Variants in CCDC198 observed in about 807,000 individuals in gnomAD.
CCDC198 encodes coiled-coil domain containing 198, also known as factor associated with metabolism and energy.
In CCDC198, 18 loss-of-function variants were observed where a neutral mutation model predicts 35.6. The ratio of observed to expected loss-of-function variants is 0.51; its 90% CI spans 0.35 to 0.75. The LOEUF is 0.75. CCDC198 is among the 30% of genes least tolerant of loss of function. CCDC198 has a pLI of 0.01. For synonymous variants in CCDC198, 119 were observed against 113.4 expected (o/e 1.05, Z -0.31); for missense variants, 365 against 343.7 (o/e 1.06, Z -0.49).
At chr14:57,474,769 G>C (rs757840635) in intron 5 of CCDC198, among the ~76,000 whole-genome samples, 2 of 152,100 alleles carry the variant, frequency 1.3e-5, no homozygotes, top group Non-Finnish European at 2.9e-5. Context: ...GCAGAGTAAA[G>C]GAAAGTGTAT....
At chr14:57,492,375 GTC>G (rs1166967875) in intron 1 of CCDC198, among the ~76,000 whole-genome samples, 1 of 151,884 alleles carries the variant, frequency 6.6e-6, no homozygotes, top group African/African-American at 2.4e-5. Flanking sequence ...TTGAGACAGA[GTC>G]TCTCTCTGTC....
rs1299450584 is a variant in CCDC198, at chr14:57,470,280, T to G, written c.*1075A>C. 1 of 152,210 alleles carries G rather than the reference T, an allele frequency of 6.6e-6. No individual in the cohort carries two copies. Among genetic ancestry groups the G allele is most frequent in the Non-Finnish European group, 1.5e-5 (1 of 68,032 alleles). The allele number at this position is 152,210 out of a possible 1,614,324, so 9.4% of individuals were successfully genotyped here. ...ATGCAGCATTACTGTGAATTTCCTTTAGAAACTCACTTTTATTTGTCTCCA... is the reference window on the plus strand; with the variant it reads ...ATGCAGCATTACTGTGAATTTCCTTGAGAAACTCACTTTTATTTGTCTCCA... On this transcript the variant is annotated 3_prime_UTR_variant, in exon 6 of 6. Transcript: ENST00000216445.
At position 57,480,674 on chromosome 14, in the gene CCDC198, T is replaced by A. The variant is rs1465779937; in HGVS notation, c.576A>T (p.Lys192Asn). Reference protein sequence around the residue: ...KQSPRDHKAKKTLQSTPRNDD... With the variant: ...KQSPRDHKAKNTLQSTPRNDD... The stretch of plus-strand genomic sequence containing the variant: ...CATTCCTTGGGGTGCTTTGAAGGGT[T>A]TTCTTGGCTTTATGGTCCCTTGGAC... Residue 192 changes from lysine (K) to asparagine (N), a missense_variant, in exon 5 of 6, where the codon AAA becomes AAT. Physicochemically the swap from Lys to Asn is moderately conservative, Grantham distance 94. Coordinates refer to ENST00000216445, the MANE Select transcript of CCDC198 (RefSeq NM_018168.4). 6 of 1,614,200 alleles carry A rather than the reference T, an allele frequency of 3.7e-6. No homozygotes were observed. Among genetic ancestry groups the A allele is most frequent in the Non-Finnish European group, 4.2e-6 (5 of 1,180,014 alleles).
chr14:57,486,469 G>C (rs1174258871), intron 2 of CCDC198, among the ~76,000 whole-genome samples: 2 of 150,440 alleles, frequency 1.3e-5, no homozygotes, highest in Non-Finnish European at 2.9e-5. Context: ...GACTTTTCCG[G>C]GATTAAAAAA....
intron 5 of CCDC198, among the ~76,000 whole-genome samples, chr14:57,479,319 C>G (rs1028925549): frequency 6.6e-6 from 1 of 152,106 alleles, no homozygotes; most frequent in Non-Finnish European, 1.5e-5. Flanking sequence ...GAAATCCTGG[C>G]CTCAGGTTGT....
intron 2 of CCDC198, among the ~76,000 whole-genome samples, chr14:57,483,662 A>G (rs1312930471): frequency 6.6e-6 from 1 of 152,118 alleles, no homozygotes. Flanking sequence ...CATTTTAGAG[A>G]TGTCCTTTTC....
chr14:57,473,594 C>G (rs1380859814), intron 5 of CCDC198, among the ~76,000 whole-genome samples: 4 of 152,104 alleles, frequency 2.6e-5, no homozygotes, highest in Non-Finnish European at 5.9e-5. Flanking sequence ...TGATCGTGAC[C>G]CCACTATCCT....
At chr14:57,484,984 T>C (rs545053278) in intron 2 of CCDC198, among the ~76,000 whole-genome samples, 2 of 152,220 alleles carry the variant, frequency 1.3e-5, no homozygotes, top group South Asian at 4.2e-4. Flanking sequence ...CCAAACAAGA[T>C]TCATTATGGT....
At chr14:57,475,747 G>T (rs1566573694) in intron 5 of CCDC198, 4 of 366,028 alleles carry the variant, frequency 1.1e-5, no homozygotes, top group Admixed American at 3.5e-5. Context: ...TCCTTCTTCA[G>T]TTTTGTCTAT....
intron 3 of CCDC198, 95 bp from the exon 4 acceptor site, chr14:57,481,755 A>C: frequency 1.3e-6 from 1 of 766,958 alleles, no homozygotes; most frequent in South Asian, 1.6e-5. Context: ...GTCAGATCTT[A>C]ATCAGTCATA....
In CCDC198 at chr14:57,478,038, A is replaced by G. The variant is rs118011665; in HGVS notation, c.655+2557T>C. On this transcript the variant is annotated intron_variant, in intron 5 of 5. Transcript: ENST00000216445. ...TCTGCTCATAACTGAGCTTTTGTGC[A>G]CTACTGATGCAGCTACACCTCCCTG... Among the ~76,000 whole-genome samples the G allele has an allele frequency of 1.2e-4, 19 of 152,186 alleles. No individual in the cohort carries two copies. In the East Asian group the frequency reaches 3.3e-3, roughly 26 times the overall value.
At chr14:57,487,832 A>G (rs1265939540) in intron 2 of CCDC198, among the ~76,000 whole-genome samples, 1 of 152,184 alleles carries the variant, frequency 6.6e-6, no homozygotes, top group Non-Finnish European at 1.5e-5. Flanking sequence ...TTCTCTCAAA[A>G]ACTCATTTGT....
chr14:57,487,242 C>G (rs1415834236), intron 2 of CCDC198, among the ~76,000 whole-genome samples: 1 of 152,130 alleles, frequency 6.6e-6, no homozygotes, highest in Admixed American at 6.6e-5. Context: ...TGTCTAAAGA[C>G]TTCTGGATTA....
intron 5 of CCDC198, among the ~76,000 whole-genome samples, chr14:57,477,864 A>AT (rs1373758683): frequency 1.2e-4 from 18 of 152,010 alleles, no homozygotes; most frequent in African/African-American, 4.3e-4. Context: ...TGCCCGACTA[A>AT]TTTTTGTATT....
chr14:57,474,855 T>C (rs574817318), intron 5 of CCDC198, among the ~76,000 whole-genome samples: 101 of 152,328 alleles, frequency 6.6e-4, no homozygotes, highest in African/African-American at 2.3e-3. Context: ...ATTTAGGTAG[T>C]AGAAGAATCA....
At chr14:57,471,678 G>T (rs943280833) in intron 5 of CCDC198, 88 bp from the exon 6 acceptor site, 8 of 630,406 alleles carry the variant, frequency 1.3e-5, no homozygotes, top group African/African-American at 1.9e-5. Flanking sequence ...TAATCTGCTT[G>T]GTGGTTTTTC....
At chr14:57,471,623 C>T in intron 5 of CCDC198, 33 bp from the exon 6 acceptor site, 1 of 1,267,784 alleles carries the variant, frequency 7.9e-7, no homozygotes, top group South Asian at 1.4e-5. Flanking sequence ...TAATTTTTTC[C>T]CTTAGCAATG....
chr14:57,475,970 T>G lies in CCDC198; in HGVS notation c.656-4380A>C, dbSNP rs559270376. ...GCATGTGCCACCACTCCTGGCTAATTTTTTGTATTTTTACTAGAGACGGGG... is the reference window on the plus strand; with the variant it reads ...GCATGTGCCACCACTCCTGGCTAATGTTTTGTATTTTTACTAGAGACGGGG... On this transcript the variant is annotated intron_variant, in intron 5 of 5. Transcript: ENST00000216445. Among the ~76,000 whole-genome samples, 8 of 151,424 alleles carry G rather than the reference T, an allele frequency of 5.3e-5. 1 individual carries two copies. The highest frequency in any genetic ancestry group is 1.9e-4 in the African/African-American group (8 of 41,328).
chr14:57,491,593 C>T (rs2067569722), intron 1 of CCDC198, among the ~76,000 whole-genome samples: 1 of 151,914 alleles, frequency 6.6e-6, no homozygotes, highest in African/African-American at 2.4e-5. Flanking sequence ...AAAAAATTTC[C>T]ACAGGTTGCC....
Sources: gnomAD v4.1 joint callset for allele counts (sites outside exome capture counted in the v4.1 genomes callset) on GRCh38, gnomAD v4.1.1 for gene constraint, MANE v1.5 for transcripts, NCBI Gene and HGNC (gene_info 2026-07-23, HGNC 2026-07-21) for gene names.